Variants in C1orf94 observed in about 807,000 individuals in gnomAD.
C1orf94 encodes the protein uncharacterized protein C1orf94.
A neutral mutation model predicts 53.6 loss-of-function variants in C1orf94; 45 were observed. The ratio of observed to expected loss-of-function variants is 0.84; its 90% CI spans 0.66 to 1.08. The LOEUF (loss-of-function observed/expected upper bound fraction) is 1.08, where lower values mean the gene tolerates loss of function less well. Ranked by LOEUF, C1orf94 falls within the 50% of genes least tolerant of loss-of-function variation. The probability of loss-of-function intolerance (pLI) is 0.00; values close to 1 mark genes in which losing one functional copy is unlikely to be tolerated. For missense variants in C1orf94, 762 were observed against 738.9 expected (o/e 1.03, Z -0.36); for synonymous variants, 304 against 296.1 (o/e 1.03, Z -0.27).
intron 1 of C1orf94, among the ~76,000 whole-genome samples, chr1:34,181,685 G>T (rs1364395390): frequency 6.6e-6 from 1 of 152,198 alleles, no homozygotes; most frequent in Non-Finnish European, 1.5e-5. Flanking sequence ...GGTATTCCCA[G>T]TGGAGGAGAC....
At chr1:34,186,783 GT>G (rs1475886523) in intron 1 of C1orf94, among the ~76,000 whole-genome samples, 1 of 152,198 alleles carries the variant, frequency 6.6e-6, no homozygotes, top group Non-Finnish European at 1.5e-5. Flanking sequence ...TTCTGATGAG[GT>G]GGTGGGCACC....
chr1:34,202,056 C>T (rs768557750), intron 3 of C1orf94, 28 bp from the exon 4 acceptor site: 8 of 1,605,504 alleles, frequency 5.0e-6, no homozygotes, highest in Non-Finnish European at 6.8e-6. Flanking sequence ...CCATCACTGA[C>T]CCGCTTTGCC....
At chr1:34,199,796 A>G (rs79053397) in intron 2 of C1orf94, among the ~76,000 whole-genome samples, 3,274 of 151,590 alleles carry the variant, frequency 0.022, 87 homozygotes, top group African/African-American at 0.067. Flanking sequence ...TCCACACTCT[A>G]GCCATATCCA....
chr1:34,188,139 G>A (rs1166883275), intron 1 of C1orf94, among the ~76,000 whole-genome samples: 1 of 152,168 alleles, frequency 6.6e-6, no homozygotes, highest in Non-Finnish European at 1.5e-5. Flanking sequence ...CTCCAAGGGT[G>A]CTGAGGAATC....
At chr1:34,187,270 T>C (rs944447569) in intron 1 of C1orf94, among the ~76,000 whole-genome samples, 3 of 152,168 alleles carry the variant, frequency 2.0e-5, no homozygotes, top group Admixed American at 1.3e-4. Context: ...TTGCCCAAGG[T>C]CATCCAGCTC....
At chr1:34,184,499 C>T (rs913569821) in intron 1 of C1orf94, among the ~76,000 whole-genome samples, 7 of 152,142 alleles carry the variant, frequency 4.6e-5, no homozygotes, top group African/African-American at 9.7e-5. Context: ...AAGCCAGACT[C>T]AGGTAGGGAG....
chr1:34,218,454 C>A (rs1643024664), intron 6 of C1orf94, among the ~76,000 whole-genome samples: 1 of 152,002 alleles, frequency 6.6e-6, no homozygotes, highest in Admixed American at 6.6e-5. Flanking sequence ...CTCCCAGGGA[C>A]TTCCTGATCC....
At chr1:34,194,068 A>G (rs770942752) in intron 1 of C1orf94, among the ~76,000 whole-genome samples, 3 of 152,190 alleles carry the variant, frequency 2.0e-5, no homozygotes, top group Non-Finnish European at 2.9e-5. Flanking sequence ...TAAACACCAC[A>G]AAGGCTGCAG....
At chr1:34,198,659 T>C (rs544971523) in intron 2 of C1orf94, among the ~76,000 whole-genome samples, 1 of 152,342 alleles carries the variant, frequency 6.6e-6, no homozygotes, top group African/African-American at 2.4e-5. Flanking sequence ...AAAAGAACAA[T>C]TTCCTCTGGG....
chr1:34,212,764 C>T (rs11577248), intron 6 of C1orf94, among the ~76,000 whole-genome samples: 74,526 of 152,002 alleles, frequency 0.49, 19,556 homozygotes, highest in East Asian at 0.72. Flanking sequence ...GCCAGCTAAT[C>T]TCCTTAGAGC....
intron 2 of C1orf94, among the ~76,000 whole-genome samples, chr1:34,199,716 C>T (rs1421133452): frequency 1.3e-5 from 2 of 152,218 alleles, no homozygotes; most frequent in African/African-American, 4.8e-5. Flanking sequence ...CAAAGTATGT[C>T]TGCATTGGGA....
chr1:34,207,863 A>G (rs909077433), intron 4 of C1orf94, among the ~76,000 whole-genome samples: 1 of 152,200 alleles, frequency 6.6e-6, no homozygotes, highest in African/African-American at 2.4e-5. Flanking sequence ...TGATTTGCCC[A>G]AGGTCACACA....
chr1:34,175,173 T>C (rs12031187), upstream of C1orf94, among the ~76,000 whole-genome samples: 2,161 of 149,502 alleles, frequency 0.014, 184 homozygotes, highest in East Asian at 0.26. Context: ...CTTTGTTCCG[T>C]ATCCCTGCTG....
Position 34,177,961 on chromosome 1 carries a change from C to G in C1orf94, c.172C>G (p.Pro58Ala). Residue 58 changes from proline to alanine, a missense_variant, in exon 1 of 7, where the codon CCC becomes GCC. Transcript: ENST00000488417. Reference protein sequence around the residue: ...PRYIWIHQDTPQDSLDKTCHE... With the variant: ...PRYIWIHQDTAQDSLDKTCHE... ...ATACATCTGGATCCACCAGGACACA[C>G]CCCAAGACAGCCTAGACAAGACTTG... is the stretch of plus-strand genomic sequence containing the variant. The G allele has an allele frequency of 6.4e-7, 1 of 1,551,736 alleles. No individual in the cohort carries two copies. Among genetic ancestry groups the G allele is most frequent in the African/African-American group, 1.4e-5 (1 of 73,196 alleles).
chr1:34,191,935 G>A lies in C1orf94; in HGVS notation c.321-5290G>A, dbSNP rs114852749. On this transcript the variant is annotated intron_variant, in intron 1 of 6. Transcript: ENST00000488417. ...ATAATGCACAGCATCCGAGTATGGC[G>A]CTACTATTGGACAACTATCATTTCT... Among the ~76,000 whole-genome samples, 686 of 152,168 alleles carry A rather than the reference G, an allele frequency of 4.5e-3. 10 individuals are homozygous for A. The highest frequency in any genetic ancestry group is 0.016 in the African/African-American group (651 of 41,498).
chr1:34,210,129 A>T (rs1248909898), intron 5 of C1orf94, among the ~76,000 whole-genome samples: 3 of 152,104 alleles, frequency 2.0e-5, no homozygotes, highest in Non-Finnish European at 4.4e-5. Context: ...TCAGGGGCAC[A>T]TTTTTTTATA....
At chr1:34,215,690 G>GAGC (rs1642975564) in intron 6 of C1orf94, among the ~76,000 whole-genome samples, 2 of 152,196 alleles carry the variant, frequency 1.3e-5, no homozygotes, top group Non-Finnish European at 2.9e-5. Context: ...TGTGCAACTG[G>GAGC]AGCAGCAGCA....
chr1:34,208,311 C>T (rs960818941), intron 5 of C1orf94, 77 bp downstream of exon 5: 7 of 1,394,414 alleles, frequency 5.0e-6, no homozygotes. Context: ...GCTCCCTCCT[C>T]CTTTTCCAGC....
chr1:34,207,584 A>G (rs1198825610), intron 4 of C1orf94, among the ~76,000 whole-genome samples: 1 of 152,210 alleles, frequency 6.6e-6, no homozygotes, highest in Non-Finnish European at 1.5e-5. Context: ...ACCTGGGTTC[A>G]CAGTTGTATA....
Sources: gnomAD v4.1 joint callset for allele counts (sites outside exome capture counted in the v4.1 genomes callset) on GRCh38, gnomAD v4.1.1 for gene constraint, MANE v1.5 for transcripts, NCBI Gene and HGNC (gene_info 2026-07-23, HGNC 2026-07-21) for gene names.